The following ABCA12 variants were observed in gnomAD, a reference collection of about 807,000 sequenced individuals.
ABCA12 encodes the protein ATP binding cassette subfamily A member 12, also known as glucosylceramide transporter ABCA12.
In ABCA12, 156 loss-of-function variants were observed where a neutral mutation model predicts 293.5. That is an observed-to-expected ratio of 0.53 (90% CI 0.47 to 0.61). The LOEUF is 0.61. Among genes scored for constraint, ABCA12 ranks in the 20% least tolerant of loss-of-function variants. ABCA12 has a pLI of 0.00. For synonymous variants in ABCA12, 1,063 were observed against 1,108.0 expected (o/e 0.96, Z 0.81); for missense variants, 2,797 against 3,090.2 (o/e 0.91, Z 2.25).
chr2:215,007,675 A>G lies in ABCA12; in HGVS notation c.2592+52T>C. 3 of 1,610,868 alleles carry G rather than the reference A, an allele frequency of 1.9e-6. 1 individual carries two copies. The South Asian group carries it at 3.3e-5, about 18-fold the overall frequency. On this transcript the variant is annotated intron_variant, in intron 19 of 52. Transcript: ENST00000272895. ...CGTTCACATATTGAAGGCAATTAAAATCTCAAAGAATTCAAATTCCTACTA... is the reference window on the plus strand; with the variant it reads ...CGTTCACATATTGAAGGCAATTAAAGTCTCAAAGAATTCAAATTCCTACTA...
chr2:215,033,648 A>C (rs1188816786), intron 8 of ABCA12, among the ~76,000 whole-genome samples: 1 of 152,186 alleles, frequency 6.6e-6, no homozygotes, highest in Non-Finnish European at 1.5e-5. Flanking sequence ...CATACTTAAA[A>C]TTGTATTCAC....
chr2:215,108,017 C>T (rs890985664), intron 2 of ABCA12, among the ~76,000 whole-genome samples: 4 of 152,142 alleles, frequency 2.6e-5, no homozygotes, highest in Non-Finnish European at 5.9e-5. Context: ...GTGCAGGATT[C>T]CAGACTGCAC....
Position 215,001,663 on chromosome 2 carries a change from T to G in ABCA12, c.2758A>C (p.Asn920His). ...TCATATAATACACAAGAGGAAATAT[T>G]TACTGTCAGGGAAGATAGTGTGTTA... is the stretch of plus-strand genomic sequence containing the variant. ...QLNTLSSLTV[N>H]ISSCVLYDRI... Residue 920 changes from asparagine (N) to histidine (H), a missense_variant, in exon 21 of 53, where the codon AAT (asparagine) becomes CAT (histidine). Physicochemically the swap from Asn to His is moderately conservative, Grantham distance 68. Transcript: ENST00000272895. The G allele has an allele frequency of 1.2e-6, 2 of 1,613,794 alleles. No individual in the cohort carries two copies. The highest frequency in any genetic ancestry group is 1.7e-6 in the Non-Finnish European group (2 of 1,179,810).
chr2:215,010,586 C>T, intron 17 of ABCA12, 116 bp from the exon 18 acceptor site: 1 of 1,166,850 alleles, frequency 8.6e-7, no homozygotes, highest in Non-Finnish European at 1.2e-6. Flanking sequence ...TCTAGTACTT[C>T]CTATATTATT....
chr2:215,121,348 C>T (rs138958591), intron 1 of ABCA12, among the ~76,000 whole-genome samples: 50 of 152,242 alleles, frequency 3.3e-4, no homozygotes, highest in African/African-American at 9.9e-4. Context: ...CTTTCTGTAA[C>T]CTAGAACTTT....
chr2:215,059,319 C>T (rs866526699), intron 3 of ABCA12, among the ~76,000 whole-genome samples: 7 of 151,964 alleles, frequency 4.6e-5, no homozygotes, highest in South Asian at 4.1e-4. Context: ...AGTGATTTGA[C>T]GCAGTTGTCC....
chr2:215,101,498 C>A (rs1702356119), intron 2 of ABCA12, among the ~76,000 whole-genome samples: 1 of 152,138 alleles, frequency 6.6e-6, no homozygotes, highest in African/African-American at 2.4e-5. Flanking sequence ...GGTAGAGTAG[C>A]TGGGTACATC....
intron 29 of ABCA12, 147 bp from the exon 30 acceptor site, chr2:214,982,530 A>C: frequency 1.5e-6 from 1 of 648,396 alleles, no homozygotes; most frequent in Non-Finnish European, 2.6e-6. Context: ...TTCATAATAT[A>C]GTTTTCTATT....
chr2:215,118,021 T>C (rs1294155447), intron 1 of ABCA12, among the ~76,000 whole-genome samples: 2 of 152,234 alleles, frequency 1.3e-5, no homozygotes, highest in Non-Finnish European at 2.9e-5. Flanking sequence ...TGGTGTACTT[T>C]ACCTATCACA....
intron 47 of ABCA12, 73 bp downstream of exon 47, chr2:214,948,514 GACAGTGGGT>G: frequency 1.4e-6 from 2 of 1,428,670 alleles, no homozygotes; most frequent in Non-Finnish European, 1.9e-6. Flanking sequence ...GGGCAGGGGG[GACAGTGGGT>G]GTGGTGGGGT....
chr2:214,994,212 CCCA>C (rs1470169276), intron 23 of ABCA12, among the ~76,000 whole-genome samples: 2 of 132,518 alleles, frequency 1.5e-5, no homozygotes, highest in East Asian at 4.5e-4. Context: ...TGGAAGGGGG[CCCA>C]CCGAGAGCGG....
At chr2:214,988,084 T>C (rs1699826539) in intron 26 of ABCA12, among the ~76,000 whole-genome samples, 2 of 152,164 alleles carry the variant, frequency 1.3e-5, no homozygotes, top group South Asian at 4.1e-4. Context: ...CAAGTTGTGA[T>C]TTTACAGTGA....
chr2:215,138,377 T>C lies in ABCA12; in HGVS notation c.-169A>G. The C allele has an allele frequency of 1.4e-6, 1 of 716,338 alleles. No individual in the cohort carries two copies. The allele number at this position is 716,338 out of a possible 1,614,324, so 44.4% of individuals were successfully genotyped here. On this transcript the variant is annotated 5_prime_UTR_variant, in exon 1 of 53. Transcript: ENST00000272895. ...CCACAGTTCTTCTGTTTCTGCTGGA[T>C]TTTTCCCTGTGGTTAATCCTTAACC...
chr2:214,984,314 T>G (rs1475132108), intron 28 of ABCA12, among the ~76,000 whole-genome samples: 6 of 151,620 alleles, frequency 4.0e-5, no homozygotes, highest in African/African-American at 1.5e-4. Flanking sequence ...GCCAGGATGG[T>G]CTCGATCTCC....
chr2:215,030,859 A>G (rs1297815902), intron 9 of ABCA12, among the ~76,000 whole-genome samples: 1 of 152,222 alleles, frequency 6.6e-6, no homozygotes, highest in Non-Finnish European at 1.5e-5. Context: ...AAAGAAAAAA[A>G]TTGGTTAAAC....
chr2:215,124,019 G>T (rs747274318), intron 1 of ABCA12, among the ~76,000 whole-genome samples: 1 of 152,132 alleles, frequency 6.6e-6, no homozygotes, highest in Non-Finnish European at 1.5e-5. Context: ...AACATACAAC[G>T]TTTGGTTTTT....
intron 2 of ABCA12, among the ~76,000 whole-genome samples, chr2:215,103,467 A>G (rs1450531396): frequency 6.6e-6 from 1 of 151,688 alleles, no homozygotes; most frequent in Non-Finnish European, 1.5e-5. Context: ...ACAGGGTTTC[A>G]CCATGTTGGC....
chr2:215,071,419 T>C (rs2106082822), intron 2 of ABCA12, among the ~76,000 whole-genome samples: 1 of 151,524 alleles, frequency 6.6e-6, no homozygotes, highest in East Asian at 2.0e-4. Flanking sequence ...TAATTAATAA[T>C]AAACAAACAT....
intron 14 of ABCA12, 63 bp from the exon 15 acceptor site, chr2:215,015,726 G>T: frequency 6.6e-7 from 1 of 1,522,866 alleles, no homozygotes; most frequent in Non-Finnish European, 9.1e-7. Flanking sequence ...TGTTCATTTT[G>T]TGAGGTTTTC....
Sources: gnomAD v4.1 joint callset for allele counts (sites outside exome capture counted in the v4.1 genomes callset) on GRCh38, gnomAD v4.1.1 for gene constraint, MANE v1.5 for transcripts, NCBI Gene and HGNC (gene_info 2026-07-23, HGNC 2026-07-21) for gene names.